GTSE1: variants seen among roughly 807,000 people sequenced by gnomAD.
GTSE1 encodes the protein G2 and S phase-expressed protein 1.
In GTSE1, 52 loss-of-function variants were observed where a neutral mutation model predicts 60.5. That is an observed-to-expected ratio of 0.86 (90% confidence interval 0.69 to 1.08). The LOEUF is 1.08. GTSE1 is among the 50% of genes least tolerant of loss of function. The pLI, the probability that GTSE1 is intolerant of heterozygous loss-of-function variation, is 0.00. For synonymous variants in GTSE1, 368 were observed against 386.5 expected (o/e 0.95, Z 0.56); for missense variants, 937 against 961.8 (o/e 0.97, Z 0.34).
In GTSE1 at chr22:46,320,919, G is replaced by C. The variant is rs549611653; in HGVS notation, c.1433-2271G>C. 2.6e-5 allele frequency among the ~76,000 whole-genome samples: 4 copies of C among 152,136 alleles called. No individual in the cohort carries two copies. Among genetic ancestry groups the C allele is most frequent in the South Asian group, 2.1e-4 (1 of 4,798 alleles). On this transcript the variant is annotated intron_variant, in intron 7 of 11. Transcript: ENST00000454366. This position sits in a 1 kb window ranked among gnomAD's most constrained non-coding sequence, Gnocchi z 7.1. ...TCTGTTTCATAAGAATGACCTTCCCGTGCCACCATGGAAGCTGCTGAAGAG... is the reference window on the plus strand; with the variant it reads ...TCTGTTTCATAAGAATGACCTTCCCCTGCCACCATGGAAGCTGCTGAAGAG...
rs201967640 is a variant in GTSE1 at position 46,328,806 on chromosome 22, A to T, written c.1843A>T (p.Ser615Cys). Residue 615 changes from serine (S) to cysteine (C), a missense_variant, in exon 10 of 12, where the codon AGC (serine) becomes TGC (cysteine). Coordinates refer to ENST00000454366, the MANE Select transcript of GTSE1 (RefSeq NM_016426.7). Reference protein sequence around the residue: ...PQALNFSPEESDSTFSKSTAT... With the variant: ...PQALNFSPEECDSTFSKSTAT... Reference sequence around the variant, plus strand: ...GGCACTTAACTTTTCTCCAGAGGAAAGCGATTCTACTTTCTCCAAAAGTAC... The same window carrying T: ...GGCACTTAACTTTTCTCCAGAGGAATGCGATTCTACTTTCTCCAAAAGTAC... The T allele has an allele frequency of 6.2e-7, 1 of 1,614,114 alleles. No individual in the cohort carries two copies. The highest frequency in any genetic ancestry group is 2.2e-5 in the East Asian group (1 of 44,876).
chr22:46,308,204 C>T lies in GTSE1; in HGVS notation c.134C>T (p.Ser45Leu), dbSNP rs754624173. The change falls in exon 3 of 12, where the codon TCG becomes TTG. Residue 45 changes from serine to leucine, a missense_variant. Ser to Leu is a moderately radical substitution (Grantham distance 145). Transcript: ENST00000454366. ...KFDFDLSLSS[S>L]SANEDDEVFF... ...GACTTCGATCTTTCATTGTCTTCTT[C>T]GAGGTAAACAAATGAGTTTTCTTCC... 18 of 1,612,632 alleles carry T rather than the reference C, an allele frequency of 1.1e-5. No individual in the cohort carries two copies. The African/African-American group carries it at 1.7e-4, about 16-fold the overall frequency.
intron 2 of GTSE1, among the ~76,000 whole-genome samples, chr22:46,300,411 A>G (rs2077683018): frequency 6.6e-6 from 1 of 152,182 alleles, no homozygotes; most frequent in Non-Finnish European, 1.5e-5. Flanking sequence ...TTCTTTTCTT[A>G]AAGCCCGGTA....
rs2077862369 is a variant in GTSE1 at position 46,329,306 on chromosome 22, T to C, written c.1927-52T>C. ...GAGCAAAGCTCACATTCTCCCAAGA[T>C]GGTTGCCAGAAAGATGCTGGACTCT... On this transcript the variant is annotated intron_variant, in intron 10 of 11. Transcript: ENST00000454366. This position sits in a 1 kb window ranked among gnomAD's most constrained non-coding sequence, Gnocchi z 6.4. 7.2e-7 allele frequency: 1 copy of C among 1,392,504 alleles called. No homozygotes were observed. The allele number at this position is 1,392,504 out of a possible 1,614,324, so 86.3% of individuals were successfully genotyped here. A position where few individuals can be genotyped will look rare whatever the true frequency, so the allele number is the denominator to read the frequency against.
At position 46,319,449 on chromosome 22, in the gene GTSE1, T is replaced by C. The variant is rs2077799665; in HGVS notation, c.1432+3037T>C. 6.6e-6 allele frequency among the ~76,000 whole-genome samples: 1 copy of C among 152,130 alleles called. No homozygotes were observed. The highest frequency in any genetic ancestry group is 6.5e-5 in the Admixed American group (1 of 15,268). On this transcript the variant is annotated intron_variant, in intron 7 of 11. Coordinates refer to ENST00000454366, the MANE Select transcript of GTSE1 (RefSeq NM_016426.7). The surrounding 1 kb of genome is among the most constrained non-coding windows in gnomAD (Gnocchi z 5.0). ...ACGTTCTGGTAGCTTAGGGCTCATG[T>C]GGCAGTGCAGAGAGGGACTCGAGTG...
chr22:46,328,529 T>A (rs1432370281), intron 9 of GTSE1, among the ~76,000 whole-genome samples, 159 bp from the exon 10 acceptor site: 3 of 152,128 alleles, frequency 2.0e-5, no homozygotes, highest in African/African-American at 4.8e-5. Flanking sequence ...CTGAGCCCCT[T>A]CCATACACAG....
chr22:46,311,897 C>G (rs976731791), intron 4 of GTSE1, among the ~76,000 whole-genome samples: 30 of 152,274 alleles, frequency 2.0e-4, no homozygotes, highest in African/African-American at 7.0e-4. Flanking sequence ...TATTAATGAT[C>G]TGTGTAGGTA....
chr22:46,307,624 C>A (rs1209118379), intron 2 of GTSE1, among the ~76,000 whole-genome samples: 1 of 152,090 alleles, frequency 6.6e-6, no homozygotes, highest in Non-Finnish European at 1.5e-5. Context: ...CTGCCTCAGC[C>A]TCCGAGTAGC....
At chr22:46,323,982 G>A (rs1300895762) in intron 8 of GTSE1, among the ~76,000 whole-genome samples, 6 of 152,150 alleles carry the variant, frequency 3.9e-5, no homozygotes, top group Admixed American at 6.5e-5. Flanking sequence ...GTGAGCCACC[G>A]TGTCCGGCCT....
In GTSE1 at chr22:46,329,548, C is replaced by T. The variant is rs1223056365; in HGVS notation, c.2117C>T (p.Pro706Leu). 1.9e-6 allele frequency: 3 copies of T among 1,613,968 alleles called. No homozygotes were observed. Among genetic ancestry groups the T allele is most frequent in the African/African-American group, 2.7e-5 (2 of 74,928 alleles). ...TPDMNKNVAK[P>L]SPVVGQLIDL... is the part of the protein sequence containing the mutation. ...GACATGAATAAAAATGTGGCCAAAC[C>T]TTCACCGGTGGTGGGACAGGTGAGA... The change falls in exon 11 of 12, where the codon CCT becomes CTT. Residue 706 changes from proline to leucine, a missense_variant. By Grantham distance (98) the Pro-to-Leu change is moderately conservative. Coordinates refer to ENST00000454366, the MANE Select transcript of GTSE1 (RefSeq NM_016426.7). The surrounding 1 kb of genome is among the most constrained non-coding windows in gnomAD (Gnocchi z 6.4).
In GTSE1 at chr22:46,314,818, A is replaced by G. The variant is rs12171130; in HGVS notation, c.1051+805A>G. Among the ~76,000 whole-genome samples the G allele has an allele frequency of 0.024, 3,683 of 150,338 alleles. 142 individuals are homozygous for G. The highest frequency in any genetic ancestry group is 0.085 in the African/African-American group (3,434 of 40,536). On this transcript the variant is annotated intron_variant, in intron 6 of 11. Coordinates refer to ENST00000454366, the MANE Select transcript of GTSE1 (RefSeq NM_016426.7). The surrounding 1 kb of genome is among the most constrained non-coding windows in gnomAD (Gnocchi z 7.1). ...TTGAACGCGGGAGGCAGAGGTTACC[A>G]TGAGCCGAGATTGCATCACTGCACT...
chr22:46,299,125 T>C (rs1169970805), intron 2 of GTSE1, among the ~76,000 whole-genome samples: 1 of 152,264 alleles, frequency 6.6e-6, no homozygotes, highest in Admixed American at 6.5e-5. Context: ...TTCGTCCTTC[T>C]GGAAACTTCC....
chr22:46,297,247 G>A lies in GTSE1; in HGVS notation c.-21-133G>A, dbSNP rs2077662149. ...CCCTGGGATGCGATCATTTCAGAGC[G>A]GCCCCCGCGCCGCCTCTCCCAGACC... On this transcript the variant is annotated intron_variant, in intron 1 of 11. Transcript: ENST00000454366. This position sits in a 1 kb window ranked among gnomAD's most constrained non-coding sequence, Gnocchi z 4.9. 1 of 646,228 alleles carries A rather than the reference G, an allele frequency of 1.5e-6. No individual in the cohort carries two copies. The highest frequency in any genetic ancestry group is 1.8e-5 in the African/African-American group (1 of 54,756). 40.0% of individuals were successfully genotyped at this position (646,228 alleles called of 1,614,324 possible).
At chr22:46,298,090 G>A (rs2077667912) in intron 2 of GTSE1, among the ~76,000 whole-genome samples, 1 of 151,826 alleles carries the variant, frequency 6.6e-6, no homozygotes, top group Non-Finnish European at 1.5e-5. Context: ...AGCCTCCCTA[G>A]TAACTGGGAT....
chr22:46,303,404 T>C (rs1359815683), intron 2 of GTSE1, among the ~76,000 whole-genome samples: 1 of 152,242 alleles, frequency 6.6e-6, no homozygotes, highest in Non-Finnish European at 1.5e-5. Flanking sequence ...ATTTTGTCCT[T>C]AGCCATGTTC....
chr22:46,308,135 A>AT lies in GTSE1; in HGVS notation c.80-9dup, dbSNP rs750414196. 1.6e-4 allele frequency: 247 copies of AT among 1,587,868 alleles called. No homozygotes were observed. Among genetic ancestry groups the AT allele is most frequent in the Non-Finnish European group, 1.9e-4 (219 of 1,156,688 alleles). On this transcript the variant is annotated splice_polypyrimidine_tract_variant and intron_variant, in intron 2 of 11. Coordinates refer to ENST00000454366, the MANE Select transcript of GTSE1 (RefSeq NM_016426.7). ...AGCTGTGGCACTAAAATAACAGTGG[A>AT]TTTTTTCCCTCTAGACATTCTTCTT...
At position 46,322,025 on chromosome 22, in the gene GTSE1, G is replaced by C. The variant is rs1037180476; in HGVS notation, c.1433-1165G>C. 2.3e-5 allele frequency among the ~76,000 whole-genome samples: 3 copies of C among 132,568 alleles called. No individual in the cohort carries two copies. The East Asian group carries it at 6.8e-4, about 30-fold the overall frequency. 87.0% of individuals were successfully genotyped at this position (132,568 alleles called of 152,430 possible). A position where few individuals can be genotyped will look rare whatever the true frequency, so the allele number is the denominator to read the frequency against. On this transcript the variant is annotated intron_variant, in intron 7 of 11. Coordinates refer to ENST00000454366, the MANE Select transcript of GTSE1 (RefSeq NM_016426.7). ...GGAGGCGGAGGTTGCGGTAAGCCGA[G>C]ATCATGCCACTGCACTCCAGCCTGG...
intron 9 of GTSE1, 26 bp from the exon 10 acceptor site, chr22:46,328,662 C>T: frequency 6.4e-7 from 1 of 1,567,298 alleles, no homozygotes; most frequent in South Asian, 1.1e-5. Context: ...GAGACATTTT[C>T]TCATAAGTTT....
rs1283466580 is a variant in GTSE1, at chr22:46,324,076, C to T, written c.1505+814C>T. 1.3e-5 allele frequency among the ~76,000 whole-genome samples: 2 copies of T among 152,162 alleles called. No individual in the cohort carries two copies. Among genetic ancestry groups the T allele is most frequent in the African/African-American group, 4.8e-5 (2 of 41,430 alleles). On this transcript the variant is annotated intron_variant, in intron 8 of 11. Transcript: ENST00000454366. This position sits in a 1 kb window ranked among gnomAD's most constrained non-coding sequence, Gnocchi z 5.2. ...CGAATGTTGCTGACCTTTTTCCTCACGTCAAGTAGGGATGGCCCAAGCTCA... is the reference window on the plus strand; with the variant it reads ...CGAATGTTGCTGACCTTTTTCCTCATGTCAAGTAGGGATGGCCCAAGCTCA...
Sources: allele counts gnomAD v4.1 joint callset (sites outside exome capture counted in the v4.1 genomes callset), GRCh38; gene constraint gnomAD v4.1.1; non-coding constraint Gnocchi (gnomAD v3.1); transcripts MANE v1.5; gene names NCBI Gene and HGNC (gene_info 2026-07-23, HGNC 2026-07-21).